The following DCAF8L2 variants were observed in gnomAD, a reference collection of about 807,000 sequenced individuals.
The protein encoded by DCAF8L2 is DDB1 and CUL4 associated factor 8 like 2.
For synonymous variants in DCAF8L2, 200 were observed against 190.9 expected, an observed-to-expected ratio of 1.05 and a Z score of -0.39; for missense variants, 430 against 490.7, an observed-to-expected ratio of 0.88 and a Z score of 1.17.
chrX:27,652,781 A>G (rs539232625), intron 2 of DCAF8L2, among the ~76,000 whole-genome samples: 1 of 111,963 alleles, frequency 8.9e-6, no homozygotes, highest in African/African-American at 3.2e-5. Context: ...TCTGGAGTGG[A>G]GGAGGGTATC....
chrX:27,621,867 G>A (rs1429318409), intron 1 of DCAF8L2, among the ~76,000 whole-genome samples: 1 of 110,096 alleles, frequency 9.1e-6, no homozygotes, highest in African/African-American at 3.3e-5. Flanking sequence ...GGTGTCAGAT[G>A]CCTGTAGTCC....
intron 1 of DCAF8L2, among the ~76,000 whole-genome samples, chrX:27,593,009 G>A (rs1360787471): frequency 7.2e-5 from 8 of 110,956 alleles, no homozygotes. Context: ...ATATTGGCCA[G>A]GCTGGTCTCA....
intron 4 of DCAF8L2, among the ~76,000 whole-genome samples, chrX:27,727,355 C>A (rs1169318351): frequency 9.0e-6 from 1 of 110,582 alleles, no homozygotes; most frequent in African/African-American, 3.3e-5. Context: ...TAAAATAATC[C>A]GATATGTCAA....
intron 2 of DCAF8L2, among the ~76,000 whole-genome samples, chrX:27,663,627 C>G (rs1011995531): frequency 1.8e-5 from 2 of 110,075 alleles, no homozygotes; most frequent in African/African-American, 6.6e-5. Flanking sequence ...GCTTTTCCCC[C>G]TATCTCCCTC....
rs779872546 is a variant in DCAF8L2 at position 27,625,052 on chromosome X, GCAGA to G, written c.-341-6824_-341-6821del. Among the ~76,000 whole-genome samples the G allele has an allele frequency of 2.7e-5, 3 of 111,476 alleles. No homozygotes were observed. In the South Asian group the frequency reaches 1.1e-3, roughly 41 times the overall value. On this transcript the variant is annotated intron_variant, in intron 1 of 4. Transcript: ENST00000451261. ...CACAGTAAAAGAAACTATCAACAGA[GCAGA>G]CAACCTACAGAATGAGAGAAAAAAT...
chrX:27,502,749 A>G, the DCAF8L2 span, among the ~76,000 whole-genome samples: 1 of 111,203 alleles, frequency 9.0e-6, no homozygotes, highest in African/African-American at 3.3e-5. Flanking sequence ...GAAAACTCAC[A>G]TTGCCAATGT....
chrX:27,648,353 G>T (rs770665851), intron 2 of DCAF8L2, among the ~76,000 whole-genome samples: 1 of 109,282 alleles, frequency 9.2e-6, no homozygotes, highest in African/African-American at 3.3e-5. Context: ...ATGGGAAAAA[G>T]AAAATGAAAA....
intron 4 of DCAF8L2, among the ~76,000 whole-genome samples, chrX:27,727,553 A>G (rs1312365432): frequency 8.9e-6 from 1 of 111,768 alleles, no homozygotes; most frequent in African/African-American, 3.2e-5. Flanking sequence ...TATCTTAATC[A>G]TAATTTTGAT....
At chrX:27,685,556 G>A (rs766660426) in intron 3 of DCAF8L2, among the ~76,000 whole-genome samples, 4 of 111,633 alleles carry the variant, frequency 3.6e-5, no homozygotes, top group Non-Finnish European at 5.7e-5. Flanking sequence ...GATCCCTATC[G>A]CTCACTACAC....
the DCAF8L2 span, among the ~76,000 whole-genome samples, chrX:27,474,569 T>A: frequency 1.8e-5 from 2 of 112,032 alleles, no homozygotes; most frequent in African/African-American, 3.2e-5. Context: ...ATTACCTACT[T>A]CATTTAGTTG....
At position 27,643,526 on chromosome X, in the gene DCAF8L2, C is replaced by A. The variant is rs921511415; in HGVS notation, c.-220+11526C>A. On this transcript the variant is annotated intron_variant, in intron 2 of 4. Coordinates refer to ENST00000451261, the MANE Select transcript of DCAF8L2 (RefSeq NM_001353450.2). Reference sequence around the variant, plus strand: ...GAATCCCAGTAATTTTTGGTAAATTCCAGCAGTTTGATAAAAATACATCCA... The same window carrying A: ...GAATCCCAGTAATTTTTGGTAAATTACAGCAGTTTGATAAAAATACATCCA... 5.4e-5 allele frequency among the ~76,000 whole-genome samples: 6 copies of A among 111,561 alleles called. No homozygotes were observed. In the East Asian group the frequency reaches 8.4e-4, roughly 16 times the overall value.
At chrX:27,642,727 T>A (rs1372745588) in intron 2 of DCAF8L2, among the ~76,000 whole-genome samples, 2 of 112,277 alleles carry the variant, frequency 1.8e-5, no homozygotes, top group African/African-American at 6.5e-5. Context: ...AAAATTAGTA[T>A]AACTTTTTAT....
At chrX:27,511,013 G>A in the DCAF8L2 span, among the ~76,000 whole-genome samples, 7 of 110,930 alleles carry the variant, frequency 6.3e-5, no homozygotes, top group Non-Finnish European at 9.4e-5. Flanking sequence ...TTCTAATAGA[G>A]AAGATAATAT....
the DCAF8L2 span, among the ~76,000 whole-genome samples, chrX:27,480,246 T>C: frequency 8.9e-6 from 1 of 112,403 alleles, no homozygotes; most frequent in Non-Finnish European, 1.9e-5. Flanking sequence ...AGCTTATATT[T>C]TAGTAGGAAA....
Position 27,619,004 on chromosome X carries a change from AATCTATCT to A in DCAF8L2, c.-341-12838_-341-12831del, listed in dbSNP as rs57635575. Among the ~76,000 whole-genome samples, 560 of 101,675 alleles carry A rather than the reference AATCTATCT, an allele frequency of 5.5e-3. 2 individuals carry two copies. Among genetic ancestry groups the A allele is most frequent in the East Asian group, 0.011 (35 of 3,223 alleles). The allele number at this position is 101,675 out of a possible 115,157, so 88.3% of individuals were successfully genotyped here. ...CAGGATATTATCTATATCTATATCT[AATCTATCT>A]ATCTATCTATCTATCTATCTATCTA... On this transcript the variant is annotated intron_variant, in intron 1 of 4. Coordinates refer to ENST00000451261, the MANE Select transcript of DCAF8L2 (RefSeq NM_001353450.2).
At chrX:27,538,115 A>G in the DCAF8L2 span, among the ~76,000 whole-genome samples, 2 of 111,417 alleles carry the variant, frequency 1.8e-5, no homozygotes, top group Non-Finnish European at 1.9e-5. Flanking sequence ...ACCCTTAAAC[A>G]TCACCCTGGA....
At chrX:27,479,413 CAATT>C in the DCAF8L2 span, among the ~76,000 whole-genome samples, 1 of 111,082 alleles carries the variant, frequency 9.0e-6, no homozygotes, top group Non-Finnish European at 1.9e-5. Flanking sequence ...GTACTTTGAG[CAATT>C]AATTGTGTAT....
At chrX:27,723,853 T>C (rs2147302566) in intron 4 of DCAF8L2, among the ~76,000 whole-genome samples, 1 of 111,119 alleles carries the variant, frequency 9.0e-6, no homozygotes, top group Non-Finnish European at 1.9e-5. Flanking sequence ...TGGAGCTATA[T>C]CTACATAATA....
chrX:27,687,869 CTT>C (rs1351077317), intron 3 of DCAF8L2, among the ~76,000 whole-genome samples: 1 of 111,062 alleles, frequency 9.0e-6, no homozygotes, highest in Non-Finnish European at 1.9e-5. Flanking sequence ...AGGTATCTGT[CTT>C]TAGTTCTCTA....
Sources: gnomAD v4.1 joint callset for allele counts (sites outside exome capture counted in the v4.1 genomes callset) on GRCh38, gnomAD v4.1.1 for gene constraint, MANE v1.5 for transcripts, NCBI Gene and HGNC (gene_info 2026-07-23, HGNC 2026-07-21) for gene names.